Variants in SYT9 observed in about 807,000 individuals in gnomAD.
SYT9 encodes synaptotagmin 9.
In SYT9, 22 loss-of-function variants were observed where a neutral mutation model predicts 48.4. The observed-to-expected ratio is 0.45, with a 90% CI of 0.32 to 0.65. SYT9 has a LOEUF of 0.65. SYT9 is among the 30% of genes least tolerant of loss of function. The pLI is 0.03. For synonymous variants in SYT9, 265 were observed against 245.0 expected (o/e 1.08, Z -0.76); for missense variants, 577 against 622.0 (o/e 0.93, Z 0.77).
chr11:7,419,331 T>G lies in SYT9; in HGVS notation c.1338-1175T>G, dbSNP rs530563721. Among the ~76,000 whole-genome samples the G allele has an allele frequency of 1.3e-4, 20 of 152,330 alleles. No homozygotes were observed. In the South Asian group the frequency reaches 4.1e-3, roughly 32 times the overall value. On this transcript the variant is annotated intron_variant, in intron 5 of 6. Transcript: ENST00000318881. ...AAATTCATGGCAGAATTCATGGGGC[T>G]TCTGCATGCATTTGATTTTAATGGG...
chr11:7,440,466 A>C (rs1162567115), intron 6 of SYT9: 1 of 152,206 alleles, frequency 6.6e-6, no homozygotes, highest in African/African-American at 2.4e-5. Context: ...AGTTTCATGG[A>C]GACCCAAAAG....
At chr11:7,333,672 C>T (rs1431400007) in intron 3 of SYT9, among the ~76,000 whole-genome samples, 1 of 152,184 alleles carries the variant, frequency 6.6e-6, no homozygotes, top group Non-Finnish European at 1.5e-5. Context: ...GTACATATGG[C>T]TATCAGATAT....
chr11:7,242,116 C>T (rs1377649483), intron 1 of SYT9, among the ~76,000 whole-genome samples: 1 of 152,220 alleles, frequency 6.6e-6, no homozygotes, highest in Non-Finnish European at 1.5e-5. Flanking sequence ...TAATAAATGT[C>T]TGCTGTAAAT....
At chr11:7,389,021 G>T (rs186025172) in intron 3 of SYT9, among the ~76,000 whole-genome samples, 1 of 152,192 alleles carries the variant, frequency 6.6e-6, no homozygotes, top group Non-Finnish European at 1.5e-5. Flanking sequence ...TTGTGTGGTT[G>T]TTTAATAAAG....
intron 3 of SYT9, among the ~76,000 whole-genome samples, chr11:7,362,129 T>C (rs1407717190): frequency 1.5e-5 from 2 of 136,312 alleles, no homozygotes. Context: ...TTCTTTCTTT[T>C]TTATTTTATT....
At chr11:7,310,894 A>G (rs1849121016) in intron 2 of SYT9, among the ~76,000 whole-genome samples, 1 of 152,224 alleles carries the variant, frequency 6.6e-6, no homozygotes. Flanking sequence ...TTGGTTAGGA[A>G]GAGCTGAGCA....
chr11:7,371,298 A>T (rs1478945932), intron 3 of SYT9, among the ~76,000 whole-genome samples: 1 of 115,684 alleles, frequency 8.6e-6, no homozygotes, highest in Non-Finnish European at 1.9e-5. Flanking sequence ...ATGAATGAAC[A>T]TCTTTACAAC....
At position 7,335,802 on chromosome 11, in the gene SYT9, G is replaced by A. The variant is rs183741091; in HGVS notation, c.1044+21861G>A. On this transcript the variant is annotated intron_variant, in intron 3 of 6. Transcript: ENST00000318881. ...TTGCTATTGTGAATAGTGCTGCAAC[G>A]AATATACACATGCATGTGTCTTTAT... 2.4e-4 allele frequency among the ~76,000 whole-genome samples: 36 copies of A among 152,184 alleles called. 1 individual carries two copies. In the East Asian group the frequency reaches 4.3e-3, roughly 18 times the overall value.
chr11:7,279,949 C>T (rs1848464460), intron 1 of SYT9, among the ~76,000 whole-genome samples: 1 of 152,154 alleles, frequency 6.6e-6, no homozygotes, highest in East Asian at 1.9e-4. Context: ...TGGGATTTTG[C>T]ATCAGGTAAA....
At chr11:7,272,632 A>G (rs772825850) in intron 1 of SYT9, among the ~76,000 whole-genome samples, 5 of 152,150 alleles carry the variant, frequency 3.3e-5, no homozygotes, top group African/African-American at 1.2e-4. Flanking sequence ...CCTCAAGGAG[A>G]TTACCTTTTC....
chr11:7,363,258 A>G (rs1012919916), intron 3 of SYT9, among the ~76,000 whole-genome samples: 1 of 152,086 alleles, frequency 6.6e-6, no homozygotes, highest in Non-Finnish European at 1.5e-5. Flanking sequence ...TGGGAAAACA[A>G]CTAGCCTACA....
In SYT9 at chr11:7,305,015, A is replaced by G. The variant is rs113039511; in HGVS notation, c.497+1625A>G. On this transcript the variant is annotated intron_variant, in intron 2 of 6. Coordinates refer to ENST00000318881, the MANE Select transcript of SYT9 (RefSeq NM_175733.4). ...GATCTGGGGACTCTGCCATAATTCTAACAAACTGATAGCAATGATGCCACT... is the reference window on the plus strand; with the variant it reads ...GATCTGGGGACTCTGCCATAATTCTGACAAACTGATAGCAATGATGCCACT... Among the ~76,000 whole-genome samples, 584 of 152,300 alleles carry G rather than the reference A, an allele frequency of 3.8e-3. 7 individuals are homozygous for G. Among genetic ancestry groups the G allele is most frequent in the African/African-American group, 0.014 (573 of 41,562 alleles).
At chr11:7,408,569 T>C (rs936759242) in intron 3 of SYT9, among the ~76,000 whole-genome samples, 2 of 152,256 alleles carry the variant, frequency 1.3e-5, no homozygotes, top group African/African-American at 2.4e-5. Context: ...TAGTTAAATT[T>C]GTTCTTAGGT....
At chr11:7,277,140 G>C (rs759709379) in intron 1 of SYT9, among the ~76,000 whole-genome samples, 4 of 152,138 alleles carry the variant, frequency 2.6e-5, no homozygotes. Flanking sequence ...AACTCACTGA[G>C]GGAAAGGACT....
At chr11:7,392,260 T>C (rs887977629) in intron 3 of SYT9, among the ~76,000 whole-genome samples, 4 of 152,172 alleles carry the variant, frequency 2.6e-5, no homozygotes, top group Non-Finnish European at 4.4e-5. Context: ...AAATCTTTAA[T>C]ATATTTTGAG....
intron 1 of SYT9, among the ~76,000 whole-genome samples, chr11:7,283,569 A>T (rs1198679405): frequency 2.0e-5 from 3 of 152,186 alleles, no homozygotes; most frequent in Non-Finnish European, 2.9e-5. Context: ...GTTTTCAGTA[A>T]AAATAAAATA....
At chr11:7,305,766 G>A (rs1192464917) in intron 2 of SYT9, among the ~76,000 whole-genome samples, 1 of 152,068 alleles carries the variant, frequency 6.6e-6, no homozygotes, top group Non-Finnish European at 1.5e-5. Context: ...CACCGTCTCA[G>A]GACAGCCATG....
chr11:7,396,409 A>G (rs374199759), intron 3 of SYT9, among the ~76,000 whole-genome samples: 3 of 152,120 alleles, frequency 2.0e-5, no homozygotes, highest in Admixed American at 6.5e-5. Context: ...AGTGCTTTTG[A>G]GATTTATACA....
chr11:7,430,949 C>T (rs1847558203), intron 6 of SYT9, among the ~76,000 whole-genome samples: 1 of 152,096 alleles, frequency 6.6e-6, no homozygotes, highest in East Asian at 1.9e-4. Context: ...AAAGCAGTAC[C>T]AGAAGTGAAG....
Sources: allele counts gnomAD v4.1 joint callset (sites outside exome capture counted in the v4.1 genomes callset), GRCh38; gene constraint gnomAD v4.1.1; transcripts MANE v1.5; gene names NCBI Gene and HGNC (gene_info 2026-07-23, HGNC 2026-07-21).